EVC2: variants seen among roughly 807,000 people sequenced by gnomAD.
EVC2 encodes EvC ciliary complex subunit 2, also known as limbin.
A neutral mutation model predicts 149.3 loss-of-function variants in EVC2; 148 were observed. The observed-to-expected ratio is 0.99, with a 90% CI of 0.87 to 1.14. EVC2 has a LOEUF of 1.14. Among genes scored for constraint, EVC2 ranks in the 50% most tolerant of loss-of-function variants. The pLI, the probability that EVC2 is intolerant of heterozygous loss-of-function variation, is 0.00. For missense variants in EVC2, 1,854 were observed against 1,627.3 expected, an observed-to-expected ratio of 1.14 and a Z score of -2.40; for synonymous variants, 776 against 649.9, an observed-to-expected ratio of 1.19 and a Z score of -2.95.
chr4:5,563,394 T>C (rs1032077282), intron 21 of EVC2, among the ~76,000 whole-genome samples: 17 of 152,218 alleles, frequency 1.1e-4, no homozygotes, highest in Non-Finnish European at 2.2e-4. Flanking sequence ...GTTGCCCAGA[T>C]GCAGTGCAAT....
In EVC2 at chr4:5,644,391, G is replaced by A. The variant is rs376290143; in HGVS notation, c.1146-3553C>T. 2.2e-4 allele frequency among the ~76,000 whole-genome samples: 33 copies of A among 149,168 alleles called. No individual in the cohort carries two copies. In the South Asian group the frequency reaches 2.4e-3, roughly 11 times the overall value. ...GTGATCTCGGCTCACTGCAACCTCC[G>A]CCTCCCAGGTTCAAGTGATTCTCCT... On this transcript the variant is annotated intron_variant, in intron 9 of 21. Transcript: ENST00000344408.
intron 17 of EVC2, among the ~76,000 whole-genome samples, chr4:5,577,767 G>A (rs1206586591): frequency 1.3e-5 from 2 of 152,106 alleles, no homozygotes; most frequent in Non-Finnish European, 2.9e-5. Context: ...TCCTGAGCAG[G>A]GCTCCTAGCA....
At chr4:5,611,118 T>C (rs1220845758) in intron 16 of EVC2, among the ~76,000 whole-genome samples, 1 of 152,158 alleles carries the variant, frequency 6.6e-6, no homozygotes, top group East Asian at 1.9e-4. Flanking sequence ...GGATCCCTTG[T>C]TCATGTTATG....
At chr4:5,612,433 C>T (rs373471066) in intron 16 of EVC2, among the ~76,000 whole-genome samples, 1 of 152,010 alleles carries the variant, frequency 6.6e-6, no homozygotes, top group Admixed American at 6.5e-5. Flanking sequence ...CTAGTTTTGG[C>T]CAAAAAGGAG....
chr4:5,592,607 G>A (rs1392170723), intron 16 of EVC2, among the ~76,000 whole-genome samples: 3 of 152,202 alleles, frequency 2.0e-5, no homozygotes, highest in Non-Finnish European at 4.4e-5. Context: ...ACTTGAAATT[G>A]GTGATCAGCA....
chr4:5,619,379 GACAA>G (rs1346318853), intron 14 of EVC2, among the ~76,000 whole-genome samples: 1 of 152,160 alleles, frequency 6.6e-6, no homozygotes, highest in Non-Finnish European at 1.5e-5. Context: ...TAAGAAAAGA[GACAA>G]ACACACAGAG....
chr4:5,609,320 G>A (rs181585297), intron 16 of EVC2, among the ~76,000 whole-genome samples: 1 of 152,268 alleles, frequency 6.6e-6, no homozygotes, highest in East Asian at 1.9e-4. Context: ...AACGAGAGCT[G>A]TCATTTTTCC....
At chr4:5,632,094 T>C (rs533471388) in intron 10 of EVC2, 62 bp from the exon 11 acceptor site, 2,226 of 1,603,918 alleles carry the variant, frequency 1.4e-3, no homozygotes, top group Non-Finnish European at 1.7e-3. Flanking sequence ...TACATGTGCA[T>C]GCAATGCAAT....
At chr4:5,575,674 A>C (rs1252282509) in intron 18 of EVC2, among the ~76,000 whole-genome samples, 2 of 152,240 alleles carry the variant, frequency 1.3e-5, no homozygotes, top group Non-Finnish European at 2.9e-5. Context: ...AAAAGTATGA[A>C]GCTGTTAAAA....
chr4:5,709,032 T>G (rs1479649104), upstream of EVC2: 3 of 152,810 alleles, frequency 2.0e-5, no homozygotes, highest in Non-Finnish European at 4.4e-5. Flanking sequence ...GACCCTCACT[T>G]CCGGTTGCGT....
intron 10 of EVC2, among the ~76,000 whole-genome samples, chr4:5,634,236 T>G (rs1716746124): frequency 6.6e-6 from 1 of 152,142 alleles, no homozygotes; most frequent in Admixed American, 6.5e-5. Flanking sequence ...ACATAATGAG[T>G]CACTCTATTA....
chr4:5,658,631 T>C (rs937784359), intron 9 of EVC2, among the ~76,000 whole-genome samples: 2 of 152,234 alleles, frequency 1.3e-5, no homozygotes, highest in Non-Finnish European at 2.9e-5. Context: ...TTACGTTCTT[T>C]GACTCTGAAA....
At chr4:5,551,679 A>T (rs1232439582) in intron 21 of EVC2, among the ~76,000 whole-genome samples, 2 of 152,180 alleles carry the variant, frequency 1.3e-5, no homozygotes. Flanking sequence ...ACATGAGATT[A>T]GGGAGGGGCC....
At chr4:5,581,824 C>A (rs886203319) in intron 17 of EVC2, among the ~76,000 whole-genome samples, 1 of 152,212 alleles carries the variant, frequency 6.6e-6, no homozygotes. Context: ...CAGTGCCCCA[C>A]TGCCCTGTGC....
intron 5 of EVC2, among the ~76,000 whole-genome samples, chr4:5,688,015 G>T (rs16837564): frequency 5.3e-5 from 8 of 152,112 alleles, no homozygotes; most frequent in Admixed American, 5.2e-4. Flanking sequence ...TGCTCTGCTC[G>T]TGGCTCCATG....
At chr4:5,596,831 G>A (rs1713465373) in intron 16 of EVC2, among the ~76,000 whole-genome samples, 1 of 151,948 alleles carries the variant, frequency 6.6e-6, no homozygotes, top group African/African-American at 2.4e-5. Context: ...GACTAATAAA[G>A]AAGAAAAGAG....
chr4:5,611,687 CAA>C (rs1381649765), intron 16 of EVC2, among the ~76,000 whole-genome samples: 2 of 151,990 alleles, frequency 1.3e-5, no homozygotes, highest in Admixed American at 6.5e-5. Flanking sequence ...AGGGCAAAAA[CAA>C]AGAGAAAAAA....
At chr4:5,680,191 C>T (rs939381801) in intron 7 of EVC2, among the ~76,000 whole-genome samples, 11 of 152,076 alleles carry the variant, frequency 7.2e-5, no homozygotes, top group Admixed American at 6.5e-5. Context: ...AAGCTTATTT[C>T]GGATTTGATC....
chr4:5,673,206 G>T (rs142119321), intron 7 of EVC2, among the ~76,000 whole-genome samples: 1 of 152,194 alleles, frequency 6.6e-6, no homozygotes. Flanking sequence ...AATCTGAGCC[G>T]CTATTGCTAC....
Sources: allele counts gnomAD v4.1 joint callset (sites outside exome capture counted in the v4.1 genomes callset), GRCh38; gene constraint gnomAD v4.1.1; transcripts MANE v1.5; gene names NCBI Gene and HGNC (gene_info 2026-07-23, HGNC 2026-07-21).